The following CCDC85A variants were observed in gnomAD, a reference collection of about 807,000 sequenced individuals.
CCDC85A encodes the protein coiled-coil domain-containing protein 85A.
In CCDC85A, 38 loss-of-function variants were observed where a neutral mutation model predicts 50.2. That is an observed-to-expected ratio of 0.76 (90% CI 0.58 to 0.99). The LOEUF (loss-of-function observed/expected upper bound fraction) is 0.99, where lower values mean the gene tolerates loss of function less well. Ranked by LOEUF, CCDC85A falls within the 50% of genes least tolerant of loss-of-function variation. The probability of loss-of-function intolerance (pLI) is 0.00; values close to 1 mark genes in which losing one functional copy is unlikely to be tolerated. For missense variants in CCDC85A, 820 were observed against 742.0 expected, an observed-to-expected ratio of 1.11 and a Z score of -1.22; for synonymous variants, 366 against 301.4, an observed-to-expected ratio of 1.21 and a Z score of -2.22.
chr2:56,322,045 G>C (rs972921585), intron 2 of CCDC85A, among the ~76,000 whole-genome samples: 1 of 152,132 alleles, frequency 6.6e-6, no homozygotes, highest in Non-Finnish European at 1.5e-5. Context: ...AATGGGGAAA[G>C]GATTCCCTAT....
At chr2:56,245,173 GC>G (rs1669446421) in intron 2 of CCDC85A, among the ~76,000 whole-genome samples, 1 of 152,198 alleles carries the variant, frequency 6.6e-6, no homozygotes, top group Non-Finnish European at 1.5e-5. Flanking sequence ...GGTTTAGACA[GC>G]CTTTCAAGTT....
chr2:56,282,075 T>C (rs2104106836), intron 2 of CCDC85A, among the ~76,000 whole-genome samples: 1 of 152,314 alleles, frequency 6.6e-6, no homozygotes, highest in South Asian at 2.1e-4. Context: ...TTTAGGTCTG[T>C]GATCCATTTT....
At chr2:56,300,364 C>T (rs1385506153) in intron 2 of CCDC85A, among the ~76,000 whole-genome samples, 1 of 152,164 alleles carries the variant, frequency 6.6e-6, no homozygotes, top group Non-Finnish European at 1.5e-5. Flanking sequence ...GAATAGATTT[C>T]AGATATAGGC....
In CCDC85A at chr2:56,323,159, G is replaced by A. The variant is rs1010485198; in HGVS notation, c.1241-19720G>A. On this transcript the variant is annotated intron_variant, in intron 2 of 5. Transcript: ENST00000407595. ...GGGCCTGTTGTGGGGTGGGTGAAGCGGGGAGGGATAGCATTAGGAGATATA... is the reference window on the plus strand; with the variant it reads ...GGGCCTGTTGTGGGGTGGGTGAAGCAGGGAGGGATAGCATTAGGAGATATA... 7.2e-5 allele frequency among the ~76,000 whole-genome samples: 11 copies of A among 152,090 alleles called. 1 individual carries two copies. Among genetic ancestry groups the A allele is most frequent in the African/African-American group, 1.9e-4 (8 of 41,430 alleles).
At chr2:56,251,758 G>A (rs1232736221) in intron 2 of CCDC85A, among the ~76,000 whole-genome samples, 2 of 151,726 alleles carry the variant, frequency 1.3e-5, no homozygotes, top group African/African-American at 2.4e-5. Context: ...GCATCATGGG[G>A]CTTGGTCTTT....
chr2:56,236,042 G>A (rs1212045903), intron 2 of CCDC85A, among the ~76,000 whole-genome samples: 2 of 152,184 alleles, frequency 1.3e-5, no homozygotes, highest in East Asian at 3.9e-4. Context: ...TGTTCAGTTT[G>A]GTTGGGGTTC....
rs147748740 is a variant in CCDC85A, at chr2:56,317,373, A to G, written c.1241-25506A>G. Among the ~76,000 whole-genome samples, 7 of 152,264 alleles carry G rather than the reference A, an allele frequency of 4.6e-5. No homozygotes were observed. In the South Asian group the frequency reaches 6.2e-4, roughly 14 times the overall value. ...TGTATGGAGTGATCCAAAAGTCTAC[A>G]CTGGCATTGCCAGTATAGCATTTCT... On this transcript the variant is annotated intron_variant, in intron 2 of 5. Transcript: ENST00000407595.
rs1396576840 is a variant in CCDC85A at position 56,193,392 on chromosome 2, C to G, written c.1192C>G (p.Gln398Glu). ...SREGTLRRQA[Q>E]EDGSPHHRNV... ...GGAGGGCACCCTCAGACGGCAGGCA[C>G]AGGAGGACGGGTCACCCCATCACCG... is the stretch of plus-strand genomic sequence containing the variant. The change falls in exon 2 of 6, where the codon CAG (glutamine) becomes GAG (glutamate). Residue 398 changes from glutamine (Q) to glutamate (E), a missense_variant. Gln to Glu is a conservative substitution (Grantham distance 29, BLOSUM62 2). Transcript: ENST00000407595. 6.2e-7 allele frequency: 1 copy of G among 1,610,994 alleles called. No individual in the cohort carries two copies. The highest frequency in any genetic ancestry group is 8.5e-7 in the Non-Finnish European group (1 of 1,178,650).
chr2:56,196,955 A>C (rs1385601871), intron 2 of CCDC85A, among the ~76,000 whole-genome samples: 2 of 152,042 alleles, frequency 1.3e-5, no homozygotes, highest in African/African-American at 4.8e-5. Context: ...TGTTAGAGCA[A>C]GTTTCAGTGA....
chr2:56,374,416 A>T (rs1479462658), intron 4 of CCDC85A, among the ~76,000 whole-genome samples: 2 of 152,336 alleles, frequency 1.3e-5, no homozygotes, highest in East Asian at 3.9e-4. Context: ...CATTAAGTTA[A>T]TAATAATAAA....
In CCDC85A at chr2:56,192,854, C is replaced by T; in HGVS notation, c.654C>T (p.Ser218=). ...GCAGCAGCACCTCCAGCACTGGCAG[C>T]ACTGACAGCCCGGACCACCACAAGC... The part of the protein sequence containing the change: ...GDGSSTSSTG[S]TDSPDHHKHH... Residue 218 remains serine, a synonymous_variant, in exon 2 of 6, where the codon AGC becomes AGT. Transcript: ENST00000407595. The surrounding 1 kb of genome is among the most constrained non-coding windows in gnomAD (Gnocchi z 4.7). 6.2e-7 allele frequency: 1 copy of T among 1,613,332 alleles called. No homozygotes were observed. Among genetic ancestry groups the T allele is most frequent in the South Asian group, 1.1e-5 (1 of 91,044 alleles).
intron 3 of CCDC85A, among the ~76,000 whole-genome samples, chr2:56,364,031 C>T (rs1675666815): frequency 6.6e-6 from 1 of 152,186 alleles, no homozygotes; most frequent in South Asian, 2.1e-4. Flanking sequence ...GTAGGAATTT[C>T]AGTGTTTCTC....
Position 56,279,597 on chromosome 2 carries a change from T to A in CCDC85A, c.1241-63282T>A, listed in dbSNP as rs555013186. ...CCTCTGCTCTAACCACCCAAGCTTT[T>A]GGTAACCATCATTTGTATTGTGTTC... On this transcript the variant is annotated intron_variant, in intron 2 of 5. Transcript: ENST00000407595. 5.9e-5 allele frequency among the ~76,000 whole-genome samples: 9 copies of A among 152,326 alleles called. No homozygotes were observed. The South Asian group carries it at 1.9e-3, about 32-fold the overall frequency.
intron 3 of CCDC85A, among the ~76,000 whole-genome samples, chr2:56,343,605 G>GT (rs1427750554): frequency 1.6e-4 from 24 of 152,164 alleles, no homozygotes; most frequent in Non-Finnish European, 5.9e-5. Context: ...TTTTGAGGAG[G>GT]TGGTTTTCAG....
chr2:56,184,257 G>C lies in CCDC85A; in HGVS notation c.-368G>C. ...AGAGAGTGCGGGGGGCGACAGTCTCGGCTTAGGGCGGAGGAGAGGGCAGGG... is the reference window on the plus strand; with the variant it reads ...AGAGAGTGCGGGGGGCGACAGTCTCCGCTTAGGGCGGAGGAGAGGGCAGGG... On this transcript the variant is annotated 5_prime_UTR_variant, in exon 1 of 6. Coordinates refer to ENST00000407595, the MANE Select transcript of CCDC85A (RefSeq NM_001080433.2). 1.1e-6 allele frequency: 1 copy of C among 915,938 alleles called. No homozygotes were observed. The highest frequency in any genetic ancestry group is 1.3e-6 in the Non-Finnish European group (1 of 754,586). 56.7% of individuals were successfully genotyped at this position (915,938 alleles called of 1,614,324 possible). A position where few individuals can be genotyped will look rare whatever the true frequency, so the allele number is the denominator to read the frequency against.
chr2:56,353,069 C>T (rs1203720303), intron 3 of CCDC85A, among the ~76,000 whole-genome samples: 1 of 152,182 alleles, frequency 6.6e-6, no homozygotes, highest in African/African-American at 2.4e-5. Flanking sequence ...TATATTGGGT[C>T]TTTAATTTAC....
chr2:56,246,562 G>A (rs1170546344), intron 2 of CCDC85A, among the ~76,000 whole-genome samples: 1 of 152,164 alleles, frequency 6.6e-6, no homozygotes, highest in Non-Finnish European at 1.5e-5. Flanking sequence ...ATGAGGTAGA[G>A]TTCCAACTTG....
chr2:56,258,312 T>C (rs888234711), intron 2 of CCDC85A, among the ~76,000 whole-genome samples: 1 of 152,234 alleles, frequency 6.6e-6, no homozygotes, highest in Non-Finnish European at 1.5e-5. Context: ...AAAATGTCTG[T>C]TGATTTATTA....
intron 2 of CCDC85A, among the ~76,000 whole-genome samples, chr2:56,218,874 A>G (rs567811486): frequency 6.6e-6 from 1 of 151,952 alleles, no homozygotes; most frequent in South Asian, 2.1e-4. Context: ...GGGCAATGAA[A>G]GACTCACATC....
Sources: gnomAD v4.1 joint callset for allele counts (sites outside exome capture counted in the v4.1 genomes callset) on GRCh38, gnomAD v4.1.1 for gene constraint, Gnocchi (gnomAD v3.1) non-coding constraint, MANE v1.5 for transcripts, NCBI Gene and HGNC (gene_info 2026-07-23, HGNC 2026-07-21) for gene names.